Variants in HNMT observed in about 807,000 individuals in gnomAD.
HNMT encodes the protein histamine N-methyltransferase.
Under a neutral mutation model 32.1 loss-of-function variants are expected in HNMT, and 30 were observed. That is an observed-to-expected ratio of 0.93 (90% CI 0.70 to 1.27). The LOEUF is 1.27. HNMT is among the 50% of genes most tolerant of loss of function. HNMT has a pLI of 0.00. For missense variants in HNMT, 327 were observed against 346.0 expected (o/e 0.95, Z 0.43); for synonymous variants, 125 against 119.0 (o/e 1.05, Z -0.33).
intron 2 of HNMT, among the ~76,000 whole-genome samples, chr2:137,974,589 G>A (rs1057074150): frequency 1.1e-4 from 17 of 152,114 alleles, no homozygotes; most frequent in Admixed American, 7.2e-4. Flanking sequence ...CTTGCTCTGG[G>A]CTCTGCTTAA....
intron 2 of HNMT, among the ~76,000 whole-genome samples, chr2:137,978,100 A>G (rs1053961274): frequency 2.6e-5 from 4 of 151,968 alleles, no homozygotes; most frequent in African/African-American, 9.7e-5. Flanking sequence ...AAATATCATC[A>G]GAGATCAAGA....
intron 2 of HNMT, among the ~76,000 whole-genome samples, chr2:137,984,913 G>C (rs568710332): frequency 1.3e-4 from 20 of 152,228 alleles, no homozygotes; most frequent in African/African-American, 4.8e-4. Flanking sequence ...CAGAATTCTG[G>C]TAGCACTATA....
At chr2:137,970,245 T>G (rs763373104) in intron 2 of HNMT, 28 bp downstream of exon 2, 8 of 1,267,206 alleles carry the variant, frequency 6.3e-6, no homozygotes, top group Admixed American at 2.1e-5. Context: ...TTAAAGTTCA[T>G]ATTTCACTTT....
chr2:138,012,271 G>A (rs184382534), intron 5 of HNMT, among the ~76,000 whole-genome samples: 3 of 152,234 alleles, frequency 2.0e-5, no homozygotes, highest in Admixed American at 6.5e-5. Context: ...GGAAATTTAA[G>A]TTCTGAGAGG....
intron 2 of HNMT, among the ~76,000 whole-genome samples, chr2:137,997,495 A>T (rs550817720): frequency 8.4e-4 from 128 of 152,234 alleles, no homozygotes; most frequent in Non-Finnish European, 1.7e-3. Context: ...GCCAGTCAGA[A>T]TGGCAATTAT....
intron 5 of HNMT, among the ~76,000 whole-genome samples, chr2:138,011,298 T>C (rs547733057): frequency 6.6e-6 from 1 of 152,238 alleles, no homozygotes; most frequent in South Asian, 2.1e-4. Flanking sequence ...CAAACTCTTA[T>C]TTAGGAAGAC....
intron 5 of HNMT, among the ~76,000 whole-genome samples, chr2:138,006,751 G>A (rs1201726637): frequency 6.6e-6 from 1 of 151,916 alleles, no homozygotes; most frequent in Non-Finnish European, 1.5e-5. Flanking sequence ...TTAACTATGT[G>A]AATTTGGTCT....
chr2:137,981,989 G>T (rs191633007), intron 2 of HNMT, among the ~76,000 whole-genome samples: 1 of 152,282 alleles, frequency 6.6e-6, no homozygotes, highest in African/African-American at 2.4e-5. Context: ...GAGTAGCTGA[G>T]ATTACAGGCT....
chr2:137,969,419 A>G (rs1680056767), intron 1 of HNMT, among the ~76,000 whole-genome samples: 1 of 152,070 alleles, frequency 6.6e-6, no homozygotes, highest in Admixed American at 6.5e-5. Context: ...CTGAATTCGT[A>G]TTTATTTTTT....
chr2:137,988,456 T>C (rs1680716890), intron 2 of HNMT: 1 of 152,138 alleles, frequency 6.6e-6, no homozygotes, highest in Non-Finnish European at 1.5e-5. Context: ...GCAAACAGCA[T>C]GGGTGAATGT....
chr2:137,974,763 G>A (rs1233092243), intron 2 of HNMT, among the ~76,000 whole-genome samples: 2 of 152,110 alleles, frequency 1.3e-5, no homozygotes, highest in Non-Finnish European at 2.9e-5. Flanking sequence ...CTATACCATT[G>A]CTATACCAAT....
intron 4 of HNMT, among the ~76,000 whole-genome samples, chr2:138,004,486 C>G (rs3113224): frequency 1.6e-3 from 239 of 151,868 alleles, no homozygotes; most frequent in African/African-American, 5.5e-3. Flanking sequence ...ACGTCAATGC[C>G]TAAGTCCAAG....
rs764089476 is a variant in HNMT at position 138,001,017 on chromosome 2, A to G, written c.290A>G (p.Lys97Arg). The G allele has an allele frequency of 1.5e-5, 24 of 1,590,874 alleles. 1 individual carries two copies. Among genetic ancestry groups the G allele is most frequent in the Non-Finnish European group, 2.0e-5 (23 of 1,162,308 alleles). ...GAGCCAAGTGCTGAACAAATTGCCA[A>G]ATACAAAGGTACCTGTAACTCCTGG... ...VVEPSAEQIAKYKELVAKTSN... is the reference protein window; with the variant it reads ...VVEPSAEQIARYKELVAKTSN... The change falls in exon 3 of 6, where the codon AAA (lysine) becomes AGA (arginine). Residue 97 changes from lysine (K) to arginine (R), a missense_variant. Lys to Arg is a conservative substitution (Grantham distance 26). Coordinates refer to ENST00000280097, the MANE Select transcript of HNMT (RefSeq NM_006895.3).
chr2:137,970,524 A>G (rs1680088417), intron 2 of HNMT, among the ~76,000 whole-genome samples: 1 of 152,222 alleles, frequency 6.6e-6, no homozygotes, highest in Admixed American at 6.5e-5. Flanking sequence ...CTCACAGAAA[A>G]GGAAAATCTC....
chr2:137,983,405 A>G (rs1375104301), intron 2 of HNMT, among the ~76,000 whole-genome samples: 3 of 152,056 alleles, frequency 2.0e-5, no homozygotes, highest in Admixed American at 2.0e-4. Flanking sequence ...GTACATTTTT[A>G]TTCTCCTATT....
At chr2:137,972,052 CAAAGATA>C (rs1388016473) in intron 2 of HNMT, among the ~76,000 whole-genome samples, 1 of 152,010 alleles carries the variant, frequency 6.6e-6, no homozygotes, top group Non-Finnish European at 1.5e-5. Flanking sequence ...CATATTAACA[CAAAGATA>C]ACTAAGAGCT....
intron 2 of HNMT, among the ~76,000 whole-genome samples, chr2:137,979,416 G>A (rs975077413): frequency 2.0e-5 from 3 of 151,916 alleles, no homozygotes; most frequent in Non-Finnish European, 4.4e-5. Context: ...GACTACAGGC[G>A]CCCATCACCA....
At chr2:137,981,504 C>G (rs994640218) in intron 2 of HNMT, 1 of 773,820 alleles carries the variant, frequency 1.3e-6, no homozygotes. Context: ...TGGTTTTCTC[C>G]GTGGGACTTC....
intron 2 of HNMT, 52 bp from the exon 3 acceptor site, chr2:138,000,866 T>G: frequency 1.0e-6 from 1 of 990,666 alleles, no homozygotes; most frequent in Non-Finnish European, 1.5e-6. Context: ...AAATTGTTTT[T>G]AATCATTTCT....
Sources: allele counts gnomAD v4.1 joint callset (sites outside exome capture counted in the v4.1 genomes callset), GRCh38; gene constraint gnomAD v4.1.1; transcripts MANE v1.5; gene names NCBI Gene and HGNC (gene_info 2026-07-23, HGNC 2026-07-21).